The following CSMD3 variants were observed in gnomAD, a reference collection of about 807,000 sequenced individuals.
CSMD3 encodes the protein CUB and sushi domain-containing protein 3.
CSMD3 carries 177 observed loss-of-function variants against 435.2 expected under a neutral mutation model. The observed-to-expected ratio is 0.41, with a 90% CI of 0.36 to 0.46. The LOEUF is 0.46. Ranked by LOEUF, CSMD3 falls within the 20% of genes least tolerant of loss-of-function variation. The probability of loss-of-function intolerance (pLI) is 0.34; values close to 1 mark genes in which losing one functional copy is unlikely to be tolerated. For synonymous variants in CSMD3, 1,656 were observed against 1,520.5 expected, an observed-to-expected ratio of 1.09 and a Z score of -2.07; for missense variants, 4,265 against 4,504.6, an observed-to-expected ratio of 0.95 and a Z score of 1.52.
chr8:112,419,265 C>T (rs975172086), intron 32 of CSMD3, among the ~76,000 whole-genome samples: 3 of 152,170 alleles, frequency 2.0e-5, no homozygotes, highest in Non-Finnish European at 4.4e-5. Flanking sequence ...AGAAGCATGG[C>T]TCCACCCTAG....
chr8:112,408,213 TAA>T, intron 34 of CSMD3, 103 bp downstream of exon 34: 1 of 855,904 alleles, frequency 1.2e-6, no homozygotes, highest in East Asian at 2.4e-5. Context: ...TAAAACTGCT[TAA>T]AAACACTTTT....
At chr8:112,774,368 C>G (rs1342931826) in intron 13 of CSMD3, among the ~76,000 whole-genome samples, 1 of 151,950 alleles carries the variant, frequency 6.6e-6, no homozygotes, top group African/African-American at 2.4e-5. Flanking sequence ...GCTGATAGTA[C>G]CTACTTGTTT....
chr8:113,200,647 G>C (rs2132028978), intron 3 of CSMD3, among the ~76,000 whole-genome samples: 1 of 151,062 alleles, frequency 6.6e-6, no homozygotes, highest in South Asian at 2.1e-4. Flanking sequence ...GAACGAGCTA[G>C]AAGAAGGGAG....
intron 32 of CSMD3, among the ~76,000 whole-genome samples, chr8:112,416,837 T>C (rs1200521338): frequency 2.0e-5 from 3 of 151,880 alleles, no homozygotes; most frequent in Admixed American, 6.6e-5. Context: ...GACTGGGGCA[T>C]GGTTAAGGGA....
intron 1 of CSMD3, among the ~76,000 whole-genome samples, chr8:113,344,497 C>T (rs1370545715): frequency 6.6e-6 from 1 of 152,106 alleles, no homozygotes; most frequent in Non-Finnish European, 1.5e-5. Context: ...TCTTTGCTTG[C>T]TTCGAAATAA....
chr8:112,311,781 A>C (rs1326332739), intron 49 of CSMD3, among the ~76,000 whole-genome samples: 1 of 152,190 alleles, frequency 6.6e-6, no homozygotes, highest in Non-Finnish European at 1.5e-5. Context: ...ACTGTCAAAT[A>C]GCTTTTTCAT....
At chr8:112,411,067 T>G (rs1811283533) in intron 32 of CSMD3, among the ~76,000 whole-genome samples, 2 of 147,608 alleles carry the variant, frequency 1.4e-5, no homozygotes, top group Admixed American at 1.4e-4. Context: ...TTAAAACAAC[T>G]AAAATACACA....
At chr8:112,345,326 C>T (rs979484061) in intron 41 of CSMD3, among the ~76,000 whole-genome samples, 2 of 152,002 alleles carry the variant, frequency 1.3e-5, no homozygotes, top group Admixed American at 1.3e-4. Flanking sequence ...GGACAAGATA[C>T]GGAATCAACC....
At chr8:112,921,555 G>T (rs2082744142) in intron 10 of CSMD3, 72 bp downstream of exon 10, 1 of 1,226,002 alleles carries the variant, frequency 8.2e-7, no homozygotes, top group Non-Finnish European at 1.2e-6. Flanking sequence ...AGACTTAATT[G>T]CAACTTAATT....
intron 5 of CSMD3, among the ~76,000 whole-genome samples, chr8:113,074,038 C>T (rs1286979916): frequency 6.6e-6 from 1 of 151,736 alleles, no homozygotes. Flanking sequence ...GACTTTATTG[C>T]TAAATATTAT....
At chr8:112,923,156 G>A (rs910455173) in intron 9 of CSMD3, among the ~76,000 whole-genome samples, 16 of 152,080 alleles carry the variant, frequency 1.1e-4, no homozygotes, top group African/African-American at 3.9e-4. Flanking sequence ...GATTGCAATA[G>A]TCCTTCTTGC....
At chr8:113,343,187 T>G (rs1420511849) in intron 1 of CSMD3, among the ~76,000 whole-genome samples, 1 of 151,782 alleles carries the variant, frequency 6.6e-6, no homozygotes. Flanking sequence ...AAGTAGCTAC[T>G]TTTAAAGCTA....
chr8:113,165,231 T>C (rs184381011), intron 4 of CSMD3, among the ~76,000 whole-genome samples: 109 of 152,258 alleles, frequency 7.2e-4, no homozygotes, highest in Non-Finnish European at 1.4e-3. Flanking sequence ...GCAAAGATAA[T>C]ATAACTTGTC....
rs79988464 is a variant in CSMD3 at position 113,114,454 on chromosome 8, T to C, written c.710-15491A>G. 5.3e-3 allele frequency among the ~76,000 whole-genome samples: 811 copies of C among 152,262 alleles called. 7 individuals are homozygous for C. Among genetic ancestry groups the C allele is most frequent in the African/African-American group, 0.019 (778 of 41,552 alleles). On this transcript the variant is annotated intron_variant, in intron 4 of 70. Coordinates refer to ENST00000297405, the MANE Select transcript of CSMD3 (RefSeq NM_198123.2). ...TAGTGTGTCTTGCTATTGAGAATAG[T>C]ATGTGTTGGCTTCATTTGTGTTTGG...
At chr8:112,520,439 T>C (rs1333144289) in intron 27 of CSMD3, among the ~76,000 whole-genome samples, 2 of 152,026 alleles carry the variant, frequency 1.3e-5, no homozygotes, top group Non-Finnish European at 2.9e-5. Flanking sequence ...TAGTGTGTTG[T>C]CTCAGCACAA....
chr8:112,574,798 T>C (rs1829811397), intron 23 of CSMD3, among the ~76,000 whole-genome samples: 1 of 151,902 alleles, frequency 6.6e-6, no homozygotes, highest in South Asian at 2.1e-4. Context: ...AGGTGAACAA[T>C]AACAACAAGA....
At chr8:113,396,069 T>C (rs906478704) in intron 1 of CSMD3, among the ~76,000 whole-genome samples, 3 of 152,152 alleles carry the variant, frequency 2.0e-5, no homozygotes, top group African/African-American at 7.2e-5. Flanking sequence ...ATGTCATAGT[T>C]AATTAAATTA....
chr8:112,802,132 A>AT (rs1268836984), intron 12 of CSMD3, among the ~76,000 whole-genome samples: 5 of 151,726 alleles, frequency 3.3e-5, no homozygotes, highest in Non-Finnish European at 7.4e-5. Context: ...AAATATATAT[A>AT]TTTTTAAATT....
chr8:113,007,326 C>G, intron 6 of CSMD3, among the ~76,000 whole-genome samples: 1 of 151,856 alleles, frequency 6.6e-6, no homozygotes, highest in East Asian at 1.9e-4. Flanking sequence ...CATACTTAGA[C>G]AAATGACTGT....
Sources: gnomAD v4.1 joint callset for allele counts (sites outside exome capture counted in the v4.1 genomes callset) on GRCh38, gnomAD v4.1.1 for gene constraint, MANE v1.5 for transcripts, NCBI Gene and HGNC (gene_info 2026-07-23, HGNC 2026-07-21) for gene names.